Variants in KLHL17 observed in about 807,000 individuals in gnomAD.
KLHL17 encodes kelch-like protein 17.
In KLHL17, 71 loss-of-function variants were observed where a neutral mutation model predicts 64.6. The observed-to-expected ratio is 1.10, with a 90% CI of 0.91 to 1.34. KLHL17 has a LOEUF of 1.34. KLHL17 is among the 40% of genes most tolerant of loss of function. KLHL17 has a pLI of 0.00. For missense variants in KLHL17, 1,140 were observed against 935.0 expected, an observed-to-expected ratio of 1.22 and a Z score of -2.86; for synonymous variants, 612 against 405.4, an observed-to-expected ratio of 1.51 and a Z score of -6.12.
At position 962,456 on chromosome 1, in the gene KLHL17, G is replaced by T; in HGVS notation, c.813G>T (p.Arg271Ser). The T allele has an allele frequency of 6.2e-7, 1 of 1,612,694 alleles. No homozygotes were observed. Among genetic ancestry groups the T allele is most frequent in the Non-Finnish European group, 8.5e-7 (1 of 1,179,912 alleles). The change falls in exon 5 of 12, where the codon AGG becomes AGT. Residue 271 changes from arginine to serine, a missense_variant. By Grantham distance (110) the Arg-to-Ser change is moderately radical (BLOSUM62 -1). Coordinates refer to ENST00000338591, the MANE Select transcript of KLHL17 (RefSeq NM_198317.3). ...TGAAACACGACGTGGACGCCCGCAG[G>T]CAGCATGTCCCACGGGTGAGGCGCG... ...SWVKHDVDARRQHVPRLMKCV... is the reference protein window; with the variant it reads ...SWVKHDVDARSQHVPRLMKCV...
intron 4 of KLHL17, 122 bp from the exon 5 acceptor site, chr1:962,233 C>A (rs777425140): frequency 2.0e-6 from 3 of 1,502,646 alleles, no homozygotes; most frequent in African/African-American, 2.8e-5. Context: ...TGACTCTGCT[C>A]GGCCCCTCCC....
Position 963,013 on chromosome 1 carries a change from C to T in KLHL17, c.1042+96C>T, listed in dbSNP as rs981244491. On this transcript the variant is annotated intron_variant, in intron 6 of 11. Coordinates refer to ENST00000338591, the MANE Select transcript of KLHL17 (RefSeq NM_198317.3). ...TGTGCCGGTCAGGTCCTGACCTGCC[C>T]CTCCGCCCCTCCATTCAGGGGCCTC... 17 of 1,537,132 alleles carry T rather than the reference C, an allele frequency of 1.1e-5. No individual in the cohort carries two copies. In the African/African-American group the frequency reaches 1.5e-4, roughly 14 times the overall value.
At chr1:964,295 C>G (rs1400199746) in intron 10 of KLHL17, 54 bp from the exon 11 acceptor site, 89 of 1,581,478 alleles carry the variant, frequency 5.6e-5, no homozygotes, top group Non-Finnish European at 6.4e-5. Context: ...GGGGCTGCGG[C>G]AGAGGAGGGA....
In KLHL17 at chr1:964,424, C is replaced by G; in HGVS notation, c.1594C>G (p.Leu532Val). The change falls in exon 11 of 12, where the codon CTG becomes GTG. Residue 532 changes from leucine to valine, a missense_variant. Coordinates refer to ENST00000338591, the MANE Select transcript of KLHL17 (RefSeq NM_198317.3). Reference sequence around the variant, plus strand: ...GGGCGTGGCCGTGCTGGAGGGTGCCCTGTACGTGGCAGGGGGCAACGACGG... The same window carrying G: ...GGGCGTGGCCGTGCTGGAGGGTGCCGTGTACGTGGCAGGGGGCAACGACGG... ...SAGVAVLEGA[L>V]YVAGGNDGTS... 6.4e-7 allele frequency: 1 copy of G among 1,551,494 alleles called. No homozygotes were observed. Among genetic ancestry groups the G allele is most frequent in the Non-Finnish European group, 8.7e-7 (1 of 1,148,800 alleles).
chr1:961,497 T>C lies in KLHL17; in HGVS notation c.312T>C (p.Arg104=). ...TGCACGTGGCTGCCAAGGAGATCCGTGCGCACAAAGTGGTGCTGGCCTCCT... is the reference window on the plus strand; with the variant it reads ...TGCACGTGGCTGCCAAGGAGATCCGCGCGCACAAAGTGGTGCTGGCCTCCT... ...IVLHVAAKEI[R]AHKVVLASCS... is the part of the protein sequence containing the mutation. The change falls in exon 2 of 12, where the codon CGT becomes CGC. Residue 104 remains arginine (R), a synonymous_variant. Coordinates refer to ENST00000338591, the MANE Select transcript of KLHL17 (RefSeq NM_198317.3). 1 of 1,612,510 alleles carries C rather than the reference T, an allele frequency of 6.2e-7. No individual in the cohort carries two copies. The highest frequency in any genetic ancestry group is 8.5e-7 in the Non-Finnish European group (1 of 1,179,928).
rs1642593579 is a variant in KLHL17, at chr1:960,631, G to A, written c.-63G>A. On this transcript the variant is annotated 5_prime_UTR_variant, in exon 1 of 12. Coordinates refer to ENST00000338591, the MANE Select transcript of KLHL17 (RefSeq NM_198317.3). Reference sequence around the variant, plus strand: ...GCCGCCACCGCCGAGCAGCCCTCCGGCAGTCTCCGCGTCCGTTAAGCCCGC... The same window carrying A: ...GCCGCCACCGCCGAGCAGCCCTCCGACAGTCTCCGCGTCCGTTAAGCCCGC... 7.9e-7 allele frequency: 1 copy of A among 1,267,678 alleles called. No homozygotes were observed. Among genetic ancestry groups the A allele is most frequent in the South Asian group, 1.8e-5 (1 of 56,694 alleles). The allele number at this position is 1,267,678 out of a possible 1,614,324, so 78.5% of individuals were successfully genotyped here.
chr1:964,336 C>T lies in KLHL17; in HGVS notation c.1519-13C>T. 1 of 1,553,344 alleles carries T rather than the reference C, an allele frequency of 6.4e-7. No homozygotes were observed. Among genetic ancestry groups the T allele is most frequent in the Non-Finnish European group, 8.7e-7 (1 of 1,152,588 alleles). On this transcript the variant is annotated splice_polypyrimidine_tract_variant and intron_variant, in intron 10 of 11. Transcript: ENST00000338591. ...GTGGCGGGTCTGCGTCCAGCCCACG[C>T]CCTCGCCCCCAGGTGAACGTGTGGT...
Position 961,338 on chromosome 1 carries a change from C to A in KLHL17, c.153C>A (p.Ala51=). ...GGCCCCGGCAGGCTCGGCCCGCAGC[C>A]CCCATGGAGGGAGCCGTGCAGCTGC... ...RTRPRQARPA[A]PMEGAVQLLS... is the part of the protein sequence containing the mutation. Residue 51 remains alanine (A), a synonymous_variant, in exon 2 of 12, where the codon GCC becomes GCA. Coordinates refer to ENST00000338591, the MANE Select transcript of KLHL17 (RefSeq NM_198317.3). 1.3e-6 allele frequency: 2 copies of A among 1,562,438 alleles called. No individual in the cohort carries two copies. Among genetic ancestry groups the A allele is most frequent in the East Asian group, 2.4e-5 (1 of 42,364 alleles).
Position 964,181 on chromosome 1 carries a change from G to A in KLHL17, c.1518+1G>A. On this transcript the variant is annotated splice_donor_variant, in intron 10 of 11. Coordinates refer to ENST00000338591, the MANE Select transcript of KLHL17 (RefSeq NM_198317.3). LOFTEE classifies it high-confidence loss of function. ...CACTGTGGAGAAGTATGAGCCCCAGGTGCATAGTGCACCCCTCCTGGCCAC... is the reference window on the plus strand; with the variant it reads ...CACTGTGGAGAAGTATGAGCCCCAGATGCATAGTGCACCCCTCCTGGCCAC... The A allele has an allele frequency of 1.2e-6, 2 of 1,612,608 alleles. No individual in the cohort carries two copies. The highest frequency in any genetic ancestry group is 1.7e-6 in the Non-Finnish European group (2 of 1,179,870).
In KLHL17 at chr1:964,386, G is replaced by C. The variant is rs184793762; in HGVS notation, c.1556G>C (p.Arg519Pro). ...TCGCCCGTGGCGTCCATGCTGAGCC[G>C]ACGCAGCTCAGCGGGCGTGGCCGTG... is the stretch of plus-strand genomic sequence containing the variant. ...VWSPVASMLS[R>P]RSSAGVAVLE... Residue 519 changes from arginine (R) to proline (P), a missense_variant, in exon 11 of 12, where the codon CGA (arginine) becomes CCA (proline). Transcript: ENST00000338591. 3.9e-6 allele frequency: 6 copies of C among 1,557,880 alleles called. No homozygotes were observed. The highest frequency in any genetic ancestry group is 1.7e-4 in the Middle Eastern group (1 of 5,956).
At position 961,951 on chromosome 1, in the gene KLHL17, C is replaced by A; in HGVS notation, c.615C>A (p.Ser205=). Residue 205 remains serine (S), a synonymous_variant, in exon 4 of 12, where the codon TCC becomes TCA. Transcript: ENST00000338591. ...TCCGGGGCTTTGCCGATGCGCACTC[C>A]TGCAGCGACCTGCTCAAGGCCGCCC... ...LGIRGFADAH[S]CSDLLKAAHR... The A allele has an allele frequency of 1.2e-6, 2 of 1,612,946 alleles. No homozygotes were observed. Among genetic ancestry groups the A allele is most frequent in the Non-Finnish European group, 1.7e-6 (2 of 1,180,004 alleles).
Position 961,656 on chromosome 1 carries a change from A to G in KLHL17, c.395A>G (p.His132Arg), listed in dbSNP as rs1338132720. ...GAGATGAGCGAGAGCCGCCAGACCC[A>G]CGTGACGCTGCACGACATCGACCCT... ...TNEMSESRQTHVTLHDIDPQA... is the reference protein window; with the variant it reads ...TNEMSESRQTRVTLHDIDPQA... The change falls in exon 3 of 12, where the codon CAC (histidine) becomes CGC (arginine). Residue 132 changes from histidine to arginine, a missense_variant. Physicochemically the swap from His to Arg is conservative, Grantham distance 29. Transcript: ENST00000338591. 1 of 1,612,718 alleles carries G rather than the reference A, an allele frequency of 6.2e-7. No homozygotes were observed.
chr1:960,757 C>T lies in KLHL17; in HGVS notation c.64C>T (p.Pro22Ser). The T allele has an allele frequency of 8.6e-7, 1 of 1,164,650 alleles. No individual in the cohort carries two copies. The highest frequency in any genetic ancestry group is 1.1e-6 in the Non-Finnish European group (1 of 943,672). 72.1% of individuals were successfully genotyped at this position (1,164,650 alleles called of 1,614,324 possible). ...TQSPEHGSPG[P>S]GPEAPPPPPP... ...GAGCCCGGAGCACGGCAGCCCGGGGCCCGGGCCCGAGGCGCCGCCGCCTCC... is the reference window on the plus strand; with the variant it reads ...GAGCCCGGAGCACGGCAGCCCGGGGTCCGGGCCCGAGGCGCCGCCGCCTCC... Residue 22 changes from proline (P) to serine (S), a missense_variant, in exon 1 of 12, where the codon CCC becomes TCC. By Grantham distance (74) the Pro-to-Ser change is moderately conservative. Transcript: ENST00000338591.
At chr1:964,871 C>G (rs963899333) in intron 11 of KLHL17, 92 bp from the exon 12 acceptor site, 5 of 1,034,378 alleles carry the variant, frequency 4.8e-6, no homozygotes, top group African/African-American at 4.6e-5. Context: ...CCAACCTCAG[C>G]GAGCATGTCC....
At position 965,476 on chromosome 1, in the gene KLHL17, G is replaced by C. The variant is rs949352143; in HGVS notation, c.*285G>C. On this transcript the variant is annotated 3_prime_UTR_variant, in exon 12 of 12. Transcript: ENST00000338591. ...GCGGGGGCCTCACCGCCCCAGGGCC[G>C]TTGCCTGCTCAGACCTTGCAGGCTG... 1 of 489,018 alleles carries C rather than the reference G, an allele frequency of 2.0e-6. No homozygotes were observed. Among genetic ancestry groups the C allele is most frequent in the East Asian group, 3.5e-5 (1 of 28,644 alleles). The allele number at this position is 489,018 out of a possible 1,614,324, so 30.3% of individuals were successfully genotyped here.
chr1:962,093 C>CCCATCTTTTT, intron 4 of KLHL17, 46 bp downstream of exon 4: 1 of 1,518,426 alleles, frequency 6.6e-7, no homozygotes. Flanking sequence ...CCACCCCACC[C>CCCATCTTTTT]CAGTCTTTGT....
chr1:965,169 C>G lies in KLHL17; in HGVS notation c.1907C>G (p.Ser636Cys). 6.2e-7 allele frequency: 1 copy of G among 1,612,318 alleles called. No individual in the cohort carries two copies. Among genetic ancestry groups the G allele is most frequent in the Non-Finnish European group, 8.5e-7 (1 of 1,179,776 alleles). ...NFPPPSSPTL[S>C]VSSTSL ...CCGCCGCCATCCTCCCCGACGCTGT[C>G]CGTGTCCTCCACCAGCCTCTGACCC... Residue 636 changes from serine to cysteine, a missense_variant, in exon 12 of 12, where the codon TCC (serine) becomes TGC (cysteine). By Grantham distance (112) the Ser-to-Cys change is moderately radical. Coordinates refer to ENST00000338591, the MANE Select transcript of KLHL17 (RefSeq NM_198317.3).
In KLHL17 at chr1:965,054, A is replaced by G; in HGVS notation, c.1792A>G (p.Asn598Asp). 1.2e-6 allele frequency: 2 copies of G among 1,612,596 alleles called. No homozygotes were observed. Among genetic ancestry groups the G allele is most frequent in the Non-Finnish European group, 1.7e-6 (2 of 1,179,782 alleles). Residue 598 changes from asparagine (N) to aspartate (D), a missense_variant, in exon 12 of 12, where the codon AAC (asparagine) becomes GAC (aspartate). Physicochemically the swap from Asn to Asp is conservative, Grantham distance 23. Transcript: ENST00000338591. ...SSSLNSIEKYNPRTNKWVAAS... is the reference protein window; with the variant it reads ...SSSLNSIEKYDPRTNKWVAAS... ...CAGCCTCAACTCCATCGAGAAGTACAACCCGAGGACCAACAAGTGGGTGGC... is the reference window on the plus strand; with the variant it reads ...CAGCCTCAACTCCATCGAGAAGTACGACCCGAGGACCAACAAGTGGGTGGC...
rs1356515226 is a variant in KLHL17, at chr1:962,694, T to C, written c.829-10T>C. ...GGTCCCGCCTGACCTTGGCGTTCCC[T>C]GCACCCCAGCTCATGAAGTGTGTGC... On this transcript the variant is annotated splice_polypyrimidine_tract_variant and intron_variant, in intron 5 of 11. Transcript: ENST00000338591. 4.4e-6 allele frequency: 7 copies of C among 1,580,340 alleles called. No homozygotes were observed. Among genetic ancestry groups the C allele is most frequent in the Non-Finnish European group, 6.0e-6 (7 of 1,166,786 alleles).
Sources: allele counts gnomAD v4.1 joint callset, GRCh38; gene constraint gnomAD v4.1.1; transcripts MANE v1.5; gene names NCBI Gene and HGNC (gene_info 2026-07-23, HGNC 2026-07-21).